Variants in NHSL1 observed in about 807,000 individuals in gnomAD.
NHSL1 encodes NHS like 1, also known as NHS-like protein 1.
Under a neutral mutation model 95.0 loss-of-function variants are expected in NHSL1, and 48 were observed. That is an observed-to-expected ratio of 0.51 (90% CI 0.40 to 0.64). The LOEUF (loss-of-function observed/expected upper bound fraction) is 0.64, where lower values mean the gene tolerates loss of function less well. NHSL1 is among the 30% of genes least tolerant of loss of function. NHSL1 has a pLI of 0.00. For missense variants in NHSL1, 1,971 were observed against 2,077.7 expected (o/e 0.95, Z 1.00); for synonymous variants, 783 against 833.9 (o/e 0.94, Z 1.05).
chr6:138,451,159 C>T (rs1236923549), intron 3 of NHSL1, among the ~76,000 whole-genome samples: 1 of 152,118 alleles, frequency 6.6e-6, no homozygotes, highest in Non-Finnish European at 1.5e-5. Context: ...TCCCTGACTG[C>T]ATTTCCTACT....
intron 1 of NHSL1, among the ~76,000 whole-genome samples, chr6:138,609,839 A>G (rs990131120): frequency 6.6e-6 from 1 of 152,102 alleles, no homozygotes; most frequent in Non-Finnish European, 1.5e-5. Flanking sequence ...TAAAGTGCTC[A>G]GCACAGCACC....
intron 1 of NHSL1, among the ~76,000 whole-genome samples, chr6:138,607,859 A>T (rs1784455520): frequency 6.6e-6 from 1 of 152,256 alleles, no homozygotes; most frequent in Non-Finnish European, 1.5e-5. Flanking sequence ...CAGAATCAAA[A>T]GTTTCATGAC....
intron 1 of NHSL1, among the ~76,000 whole-genome samples, chr6:138,510,447 T>C (rs980384092): frequency 6.6e-6 from 1 of 152,256 alleles, no homozygotes; most frequent in African/African-American, 2.4e-5. Flanking sequence ...ATATTTTATT[T>C]GATTAGTGTT....
At chr6:138,532,869 G>C (rs1446828391) in intron 1 of NHSL1, among the ~76,000 whole-genome samples, 2 of 152,120 alleles carry the variant, frequency 1.3e-5, no homozygotes, top group Non-Finnish European at 2.9e-5. Context: ...ACATTAAAAT[G>C]ATGAGCCCAC....
chr6:138,561,308 C>T (rs1382187043), intron 1 of NHSL1, among the ~76,000 whole-genome samples: 2 of 152,244 alleles, frequency 1.3e-5, no homozygotes, highest in East Asian at 1.9e-4. Flanking sequence ...TAAGCGGTGG[C>T]GGGTGCGGGG....
chr6:138,553,612 G>A (rs776874917), intron 1 of NHSL1, among the ~76,000 whole-genome samples: 3 of 152,178 alleles, frequency 2.0e-5, no homozygotes, highest in African/African-American at 4.8e-5. Context: ...TTAGTGGAAA[G>A]TATATAAAAC....
chr6:138,526,080 G>A (rs533836349), intron 1 of NHSL1, among the ~76,000 whole-genome samples: 66 of 141,004 alleles, frequency 4.7e-4, no homozygotes, highest in African/African-American at 1.7e-3. Context: ...GCAACAGAGC[G>A]AGACTCTGTC....
At chr6:138,651,615 G>T (rs1230020367) in intron 1 of NHSL1, among the ~76,000 whole-genome samples, 1 of 152,202 alleles carries the variant, frequency 6.6e-6, no homozygotes, top group African/African-American at 2.4e-5. Context: ...GGGAATAAGG[G>T]TAATAACATG....
At chr6:138,563,062 T>C (rs1783474201) in intron 1 of NHSL1, among the ~76,000 whole-genome samples, 1 of 152,214 alleles carries the variant, frequency 6.6e-6, no homozygotes, top group South Asian at 2.1e-4. Context: ...ATGTCATTTC[T>C]CCATCTGAAG....
intron 1 of NHSL1, among the ~76,000 whole-genome samples, chr6:138,538,354 A>G (rs1339810749): frequency 1.3e-5 from 2 of 152,118 alleles, no homozygotes; most frequent in Non-Finnish European, 2.9e-5. Flanking sequence ...ACACCAAGGC[A>G]TTTTCTGAGG....
intron 2 of NHSL1, among the ~76,000 whole-genome samples, chr6:138,488,520 C>G (rs1779853812): frequency 6.6e-6 from 1 of 152,002 alleles, no homozygotes; most frequent in Non-Finnish European, 1.5e-5. Context: ...AAAATAAGCA[C>G]CAAAAGCCAT....
intron 1 of NHSL1, among the ~76,000 whole-genome samples, chr6:138,544,969 A>G (rs1197941327): frequency 7.3e-6 from 1 of 137,726 alleles, no homozygotes; most frequent in Non-Finnish European, 1.6e-5. Context: ...AACAAGAAGT[A>G]TGTTCTTTCT....
At chr6:138,534,967 T>C (rs1213552266) in intron 1 of NHSL1, among the ~76,000 whole-genome samples, 6 of 152,170 alleles carry the variant, frequency 3.9e-5, no homozygotes, top group Admixed American at 2.6e-4. Flanking sequence ...TTTCTCCTCC[T>C]AGGTTTATTT....
At chr6:138,656,587 A>G (rs1785160282) in intron 1 of NHSL1, among the ~76,000 whole-genome samples, 1 of 152,222 alleles carries the variant, frequency 6.6e-6, no homozygotes, top group African/African-American at 2.4e-5. Flanking sequence ...ATAATACATC[A>G]GGTTTAAATC....
At chr6:138,600,622 A>C (rs1253646438) in intron 1 of NHSL1, among the ~76,000 whole-genome samples, 1 of 152,236 alleles carries the variant, frequency 6.6e-6, no homozygotes, top group East Asian at 1.9e-4. Flanking sequence ...TTTTTCATGA[A>C]ATTACTATCA....
At chr6:138,668,749 G>C (rs973680671) in intron 1 of NHSL1, among the ~76,000 whole-genome samples, 2 of 150,338 alleles carry the variant, frequency 1.3e-5, no homozygotes, top group South Asian at 2.1e-4. Flanking sequence ...TCAGTCTCCC[G>C]CGTAGCTGGG....
chr6:138,434,922 T>C (rs1047017288), intron 5 of NHSL1, among the ~76,000 whole-genome samples: 4 of 152,168 alleles, frequency 2.6e-5, no homozygotes, highest in African/African-American at 9.6e-5. Context: ...GATGGCACCC[T>C]GGAAGGAAGG....
intron 1 of NHSL1, among the ~76,000 whole-genome samples, chr6:138,508,531 A>G (rs1781072617): frequency 1.3e-5 from 2 of 152,210 alleles, no homozygotes; most frequent in South Asian, 4.1e-4. Flanking sequence ...GCCACCCAGC[A>G]TCTGTACTGA....
In NHSL1 at chr6:138,477,506, G is replaced by A. The variant is rs566379135; in HGVS notation, c.212-4073C>T. ...TAGTCCCAGCTACTCAGGAGGCTGA[G>A]GCAGGGGCATTGTTTGAGCCCAGGA... On this transcript the variant is annotated intron_variant, in intron 2 of 7. Transcript: ENST00000343505. Among the ~76,000 whole-genome samples the A allele has an allele frequency of 1.8e-4, 27 of 152,318 alleles. No individual in the cohort carries two copies. The South Asian group carries it at 5.4e-3, about 30-fold the overall frequency.
Sources: allele counts gnomAD v4.1 joint callset (sites outside exome capture counted in the v4.1 genomes callset), GRCh38; gene constraint gnomAD v4.1.1; transcripts MANE v1.5; gene names NCBI Gene and HGNC (gene_info 2026-07-23, HGNC 2026-07-21).